PCDH11X: variants seen among roughly 807,000 people sequenced by gnomAD.
PCDH11X encodes protocadherin-11 X-linked.
Under a neutral mutation model 53.3 loss-of-function variants are expected in PCDH11X, and 18 were observed. The ratio of observed to expected loss-of-function variants is 0.34; its 90% CI spans 0.23 to 0.50. The LOEUF is 0.50. PCDH11X is among the 20% of genes least tolerant of loss of function. The pLI is 0.98. For synonymous variants in PCDH11X, 279 were observed against 393.3 expected, an observed-to-expected ratio of 0.71 and a Z score of 3.44; for missense variants, 570 against 1,032.4, an observed-to-expected ratio of 0.55 and a Z score of 6.14.
At chrX:91,916,226 T>A in intron 6 of PCDH11X, among the ~76,000 whole-genome samples, 1 of 110,877 alleles carries the variant, frequency 9.0e-6, no homozygotes, top group Middle Eastern at 4.6e-3. Flanking sequence ...TCAAAAAGTC[T>A]GAAAGAGCAC....
At chrX:91,994,229 C>T (rs1455498935) in intron 6 of PCDH11X, among the ~76,000 whole-genome samples, 1 of 102,642 alleles carries the variant, frequency 9.7e-6, no homozygotes, top group African/African-American at 3.6e-5. Flanking sequence ...GATCTGCCCT[C>T]TTAGCAAATA....
chrX:92,363,154 T>C (rs963684900), intron 8 of PCDH11X, among the ~76,000 whole-genome samples: 1 of 111,429 alleles, frequency 9.0e-6, no homozygotes, highest in African/African-American at 3.2e-5. Context: ...AAATTCCATA[T>C]GTTTTTTGGA....
chrX:92,034,575 G>T (rs1363719062), intron 6 of PCDH11X, among the ~76,000 whole-genome samples: 6 of 104,835 alleles, frequency 5.7e-5, no homozygotes, highest in Non-Finnish European at 3.8e-5. Flanking sequence ...CTCTTTTTTG[G>T]TTTCCATTGA....
At chrX:92,174,860 T>C (rs1213152895) in intron 6 of PCDH11X, among the ~76,000 whole-genome samples, 2 of 112,230 alleles carry the variant, frequency 1.8e-5, no homozygotes, top group Admixed American at 1.9e-4. Flanking sequence ...TATAACTTTA[T>C]AGCTCCTTGT....
chrX:92,095,286 T>C (rs1478188902), intron 6 of PCDH11X, among the ~76,000 whole-genome samples: 45 of 111,342 alleles, frequency 4.0e-4, no homozygotes, highest in Non-Finnish European at 8.1e-4. Context: ...TGGTTACTTT[T>C]GTGACATTTT....
intron 8 of PCDH11X, among the ~76,000 whole-genome samples, chrX:92,275,642 A>G (rs1436454015): frequency 8.9e-6 from 1 of 112,104 alleles, no homozygotes; most frequent in Non-Finnish European, 1.9e-5. Context: ...AGGCAAAACA[A>G]TTTGGTTGAT....
rs1332495716 is a variant in PCDH11X, at chrX:92,215,545, C to A, written c.3114+14090C>A. On this transcript the variant is annotated intron_variant, in intron 7 of 10. Coordinates refer to ENST00000682573, the MANE Select transcript of PCDH11X (RefSeq NM_032968.5). ...AGGCTTCCTTAGGTAAACAAAGCAG[C>A]CCGGAAGCTCCAACTGGGTGGAGCC... Among the ~76,000 whole-genome samples the A allele has an allele frequency of 1.9e-4, 2 of 10,678 alleles. 1 individual carries two copies. Among genetic ancestry groups the A allele is most frequent in the African/African-American group, 2.3e-4 (2 of 8,644 alleles). The allele number at this position is 10,678 out of a possible 115,157, so 9.3% of individuals were successfully genotyped here. A position where few individuals can be genotyped will look rare whatever the true frequency, so the allele number is the denominator to read the frequency against.
chrX:92,069,063 G>A (rs1336232272), intron 6 of PCDH11X, among the ~76,000 whole-genome samples: 1 of 109,336 alleles, frequency 9.1e-6, no homozygotes, highest in African/African-American at 3.3e-5. Flanking sequence ...GTCCAATCCT[G>A]AAAGCGGGGT....
intron 9 of PCDH11X, among the ~76,000 whole-genome samples, chrX:92,433,189 C>A (rs996321221): frequency 9.0e-6 from 1 of 111,161 alleles, no homozygotes; most frequent in African/African-American, 3.3e-5. Context: ...TATAAGTCAA[C>A]AATAAACTTA....
intron 7 of PCDH11X, among the ~76,000 whole-genome samples, chrX:92,207,229 A>C (rs2066491749): frequency 8.9e-6 from 1 of 111,855 alleles, no homozygotes; most frequent in African/African-American, 3.3e-5. Flanking sequence ...GAGGAAGTAG[A>C]GAGGTACTCA....
chrX:92,551,743 G>A (rs867559218), intron 10 of PCDH11X, among the ~76,000 whole-genome samples: 6 of 110,481 alleles, frequency 5.4e-5, no homozygotes, highest in African/African-American at 2.0e-4. Flanking sequence ...GATGAGAGGA[G>A]GGTCTAGTTT....
intron 7 of PCDH11X, among the ~76,000 whole-genome samples, chrX:92,217,115 C>A (rs2066736049): frequency 9.0e-6 from 1 of 110,775 alleles, no homozygotes; most frequent in Admixed American, 9.6e-5. Flanking sequence ...ATTGTAAAGA[C>A]CATCGAGGCT....
In PCDH11X at chrX:92,135,911, C is replaced by T. The variant is rs182204098; in HGVS notation, c.3034-65464C>T. Among the ~76,000 whole-genome samples, 237 of 110,017 alleles carry T rather than the reference C, an allele frequency of 2.2e-3. 1 individual carries two copies. The highest frequency in any genetic ancestry group is 7.3e-3 in the African/African-American group (220 of 30,323). Reference sequence around the variant, plus strand: ...GATAATGAGAAAGTAATAGCAGAGTCGAGAACACACATACTGTAATTTAAA... The same window carrying T: ...GATAATGAGAAAGTAATAGCAGAGTTGAGAACACACATACTGTAATTTAAA... On this transcript the variant is annotated intron_variant, in intron 6 of 10. Transcript: ENST00000682573.
Position 91,959,363 on chromosome X carries a change from C to T in PCDH11X, c.3033+80090C>T, listed in dbSNP as rs190266807. 7.1e-3 allele frequency among the ~76,000 whole-genome samples: 787 copies of T among 111,134 alleles called. 7 individuals are homozygous for T. Among genetic ancestry groups the T allele is most frequent in the African/African-American group, 0.025 (760 of 30,630 alleles). On this transcript the variant is annotated intron_variant, in intron 6 of 10. Transcript: ENST00000682573. Reference sequence around the variant, plus strand: ...TCCAGTCTGCAAAACACTGTAGTCACTATGCGGTATTTTAGAGCTTCAGAA... The same window carrying T: ...TCCAGTCTGCAAAACACTGTAGTCATTATGCGGTATTTTAGAGCTTCAGAA...
intron 10 of PCDH11X, among the ~76,000 whole-genome samples, chrX:92,598,583 C>A (rs2148804927): frequency 1.0e-5 from 1 of 95,487 alleles, no homozygotes; most frequent in South Asian, 5.0e-4. Context: ...GAAAAGGGAA[C>A]CGCCATGCAC....
At chrX:92,234,069 G>T (rs1388731235) in intron 7 of PCDH11X, among the ~76,000 whole-genome samples, 1 of 111,842 alleles carries the variant, frequency 8.9e-6, no homozygotes, top group Non-Finnish European at 1.9e-5. Flanking sequence ...TAATTCAATA[G>T]TATTGTTATA....
At chrX:92,051,675 A>G (rs964102927) in intron 6 of PCDH11X, among the ~76,000 whole-genome samples, 1 of 111,799 alleles carries the variant, frequency 8.9e-6, no homozygotes, top group African/African-American at 3.2e-5. Context: ...ATTGGTCTCA[A>G]TATATCTTCA....
intron 10 of PCDH11X, among the ~76,000 whole-genome samples, chrX:92,542,121 T>A (rs113952983): frequency 0.022 from 2,488 of 111,747 alleles, 68 homozygotes; most frequent in African/African-American, 0.077. Flanking sequence ...CACTACATAT[T>A]TAAGATGAAA....
intron 10 of PCDH11X, among the ~76,000 whole-genome samples, chrX:92,485,579 A>T (rs1176797066): frequency 2.7e-5 from 3 of 111,836 alleles, no homozygotes; most frequent in African/African-American, 6.5e-5. Flanking sequence ...AGCCTTGCAT[A>T]ATAATAGAAA....
Sources: allele counts gnomAD v4.1 joint callset (sites outside exome capture counted in the v4.1 genomes callset), GRCh38; gene constraint gnomAD v4.1.1; transcripts MANE v1.5; gene names NCBI Gene and HGNC (gene_info 2026-07-23, HGNC 2026-07-21).